Variants in KANSL3 observed in about 807,000 individuals in gnomAD.
KANSL3 encodes NSL complex protein NSL3.
KANSL3 carries 16 observed loss-of-function variants against 89.2 expected under a neutral mutation model. The ratio of observed to expected loss-of-function variants is 0.18; its 90% CI spans 0.12 to 0.27. KANSL3 has a LOEUF of 0.27. Among genes scored for constraint, KANSL3 ranks in the 10% least tolerant of loss-of-function variants. KANSL3 has a pLI of 1.00. For missense variants in KANSL3, 879 were observed against 1,110.6 expected, an observed-to-expected ratio of 0.79 and a Z score of 2.96; for synonymous variants, 385 against 419.7, an observed-to-expected ratio of 0.92 and a Z score of 1.01.
intron 10 of KANSL3, 57 bp from the exon 11 acceptor site, chr2:96,610,940 A>C: frequency 6.3e-7 from 1 of 1,599,108 alleles, no homozygotes; most frequent in East Asian, 2.2e-5. Context: ...GCACTGACCC[A>C]GAAACTCCAC....
the KANSL3 span, among the ~76,000 whole-genome samples, chr2:96,584,426 T>C: frequency 6.6e-6 from 1 of 152,240 alleles, no homozygotes; most frequent in East Asian, 1.9e-4. Flanking sequence ...AATTGGCATA[T>C]CCAGCACCTC....
chr2:96,592,160 A>G (rs1043498132), downstream of KANSL3, among the ~76,000 whole-genome samples: 1 of 152,140 alleles, frequency 6.6e-6, no homozygotes, highest in African/African-American at 2.4e-5. Context: ...ACAGCAAACC[A>G]GATGTCTACT....
chr2:96,604,885 G>A, intron 15 of KANSL3, 22 bp from the exon 16 acceptor site: 1 of 1,572,368 alleles, frequency 6.4e-7, no homozygotes, highest in African/African-American at 1.4e-5. Flanking sequence ...AAAACCCCAA[G>A]GCCCCTGGTC....
chr2:96,601,689 G>T lies in KANSL3; in HGVS notation c.2570C>A (p.Ala857Asp). 6.2e-7 allele frequency: 1 copy of T among 1,613,362 alleles called. No homozygotes were observed. ...TTLSPMGSGA[A>D]PSEESSSQVL... is the part of the protein sequence containing the mutation. Reference sequence around the variant, plus strand: ...CTGGGAAGAGGACTCCTCGGATGGGGCTGCTCCTGAGCCCATAGGGCTCAG... The same window carrying T: ...CTGGGAAGAGGACTCCTCGGATGGGTCTGCTCCTGAGCCCATAGGGCTCAG... The change falls in exon 20 of 21, where the codon GCC becomes GAC. Residue 857 changes from alanine (A) to aspartate (D), a missense_variant. Physicochemically the swap from Ala to Asp is moderately radical, Grantham distance 126 (BLOSUM62 -2). Transcript: ENST00000431828.
intron 20 of KANSL3, chr2:96,601,192 G>A (rs530001965): frequency 1.1e-5 from 5 of 467,926 alleles, no homozygotes; most frequent in East Asian, 1.5e-4. Flanking sequence ...TGCTTGAACC[G>A]GGGAGGTGGA....
intron 3 of KANSL3, among the ~76,000 whole-genome samples, chr2:96,629,978 C>T (rs1007224797): frequency 1.1e-4 from 16 of 152,190 alleles, no homozygotes; most frequent in African/African-American, 2.6e-4. Context: ...CCACTTTACA[C>T]GCAGTAGAAT....
the KANSL3 span, among the ~76,000 whole-genome samples, chr2:96,585,572 A>G: frequency 3.3e-5 from 5 of 152,234 alleles, no homozygotes; most frequent in Admixed American, 2.0e-4. Context: ...TTAAAGAACT[A>G]AAATTAGAAC....
chr2:96,601,145 G>A, intron 20 of KANSL3: 1 of 293,862 alleles, frequency 3.4e-6, no homozygotes, highest in Non-Finnish European at 5.1e-6. Flanking sequence ...GCGGGCGCCT[G>A]TAATCCCAGT....
intron 14 of KANSL3, 87 bp downstream of exon 14, chr2:96,608,421 G>T: frequency 7.4e-7 from 1 of 1,351,258 alleles, no homozygotes; most frequent in Non-Finnish European, 1.0e-6. Context: ...CCTGAAAAAA[G>T]CCATAGATAT....
chr2:96,609,464 CCTAG>C (rs766191167), intron 12 of KANSL3, 31 bp downstream of exon 12: 2 of 1,601,360 alleles, frequency 1.2e-6, no homozygotes, highest in Non-Finnish European at 1.7e-6. Context: ...GAAAGGCAAG[CCTAG>C]CTGAGAAAAG....
chr2:96,604,749 A>G (rs1389433977), intron 16 of KANSL3, 30 bp downstream of exon 16: 2 of 1,542,592 alleles, frequency 1.3e-6, no homozygotes, highest in South Asian at 1.2e-5. Flanking sequence ...GAAAAAAGGA[A>G]TAGACACAGA....
At chr2:96,585,148 T>C in the KANSL3 span, among the ~76,000 whole-genome samples, 1 of 152,100 alleles carries the variant, frequency 6.6e-6, no homozygotes, top group South Asian at 2.1e-4. Flanking sequence ...GGGACCTAAT[T>C]AAACTAAAAA....
intron 5 of KANSL3, chr2:96,615,420 G>GC: frequency 1.2e-6 from 1 of 825,858 alleles, no homozygotes; most frequent in Non-Finnish European, 1.7e-6. Context: ...TCTCATGTCT[G>GC]TTTTTTACTA....
intron 5 of KANSL3, 63 bp downstream of exon 5, chr2:96,619,296 T>G: frequency 6.7e-7 from 1 of 1,484,450 alleles, no homozygotes; most frequent in Non-Finnish European, 9.1e-7. Flanking sequence ...TAACCCCACA[T>G]CCTGAACCCA....
At chr2:96,599,213 C>T (rs891181942) in intron 20 of KANSL3, among the ~76,000 whole-genome samples, 12 of 152,148 alleles carry the variant, frequency 7.9e-5, no homozygotes, top group Non-Finnish European at 1.8e-4. Context: ...ATGGACTCAT[C>T]CTTACCTCAC....
intron 3 of KANSL3, among the ~76,000 whole-genome samples, chr2:96,626,075 A>G (rs1404338203): frequency 6.6e-6 from 1 of 152,166 alleles, no homozygotes; most frequent in Non-Finnish European, 1.5e-5. Flanking sequence ...AACCTGAATG[A>G]TATGCTGACC....
downstream of KANSL3, among the ~76,000 whole-genome samples, chr2:96,588,928 A>G (rs2066257475): frequency 6.6e-6 from 1 of 152,194 alleles, no homozygotes; most frequent in Non-Finnish European, 1.5e-5. Flanking sequence ...ATTTGAAGCA[A>G]AACTTACAAC....
Position 96,612,831 on chromosome 2 carries a change from G to T in KANSL3, c.899C>A (p.Ser300Tyr). Residue 300 changes from serine to tyrosine, a missense_variant, in exon 7 of 21, where the codon TCC becomes TAC. Transcript: ENST00000431828. Reference sequence around the variant, plus strand: ...CCCCACACATACCTTGCCCAAGCAGGACAGCTGAGATTGCCAGAAGCGGTG... The same window carrying T: ...CCCCACACATACCTTGCCCAAGCAGTACAGCTGAGATTGCCAGAAGCGGTG... ...RRHRFWQSQL[S>Y]CLGKVIPVAT... The T allele has an allele frequency of 1.9e-6, 3 of 1,562,950 alleles. No individual in the cohort carries two copies. The highest frequency in any genetic ancestry group is 2.6e-6 in the Non-Finnish European group (3 of 1,153,574).
At chr2:96,601,226 C>A in intron 20 of KANSL3, 1 of 758,190 alleles carries the variant, frequency 1.3e-6, no homozygotes. Flanking sequence ...CGAGATCACA[C>A]CCCTGCACTC....
Sources: gnomAD v4.1 joint callset for allele counts (sites outside exome capture counted in the v4.1 genomes callset) on GRCh38, gnomAD v4.1.1 for gene constraint, MANE v1.5 for transcripts, NCBI Gene and HGNC (gene_info 2026-07-23, HGNC 2026-07-21) for gene names.